Variants in LRMDA observed in about 807,000 individuals in gnomAD.
The protein encoded by LRMDA is leucine rich melanocyte differentiation associated.
A neutral mutation model predicts 29.8 loss-of-function variants in LRMDA; 18 were observed. The ratio of observed to expected loss-of-function variants is 0.60; its 90% CI spans 0.42 to 0.90. The LOEUF (loss-of-function observed/expected upper bound fraction) is 0.90. LRMDA is among the 40% of genes least tolerant of loss of function. The pLI is 0.00. For synonymous variants in LRMDA, 125 were observed against 109.4 expected (o/e 1.14, Z -0.89); for missense variants, 273 against 273.9 (o/e 1.00, Z 0.02).
intron 6 of LRMDA, among the ~76,000 whole-genome samples, chr10:76,347,678 T>C (rs1841125826): frequency 6.6e-6 from 1 of 152,312 alleles, no homozygotes; most frequent in Admixed American, 6.5e-5. Flanking sequence ...CTTGGTGTTA[T>C]AAAACCCAAG....
intron 6 of LRMDA, among the ~76,000 whole-genome samples, chr10:76,334,229 A>G (rs1840939550): frequency 6.6e-6 from 1 of 152,164 alleles, no homozygotes; most frequent in African/African-American, 2.4e-5. Flanking sequence ...TTTGGTCTAA[A>G]TTGTTCAGCC....
At chr10:76,517,328 A>G (rs1039018795) in intron 6 of LRMDA, among the ~76,000 whole-genome samples, 19 of 152,150 alleles carry the variant, frequency 1.2e-4, no homozygotes, top group Admixed American at 1.1e-3. Flanking sequence ...AAACAAAGAG[A>G]AGATTTTATG....
chr10:76,224,606 T>G (rs1851915618), intron 5 of LRMDA, among the ~76,000 whole-genome samples: 1 of 149,914 alleles, frequency 6.7e-6, no homozygotes, highest in Non-Finnish European at 1.5e-5. Flanking sequence ...CAAGGATTGC[T>G]AGGTTAGATT....
intron 2 of LRMDA, among the ~76,000 whole-genome samples, chr10:75,451,918 G>A (rs1024910219): frequency 6.6e-6 from 1 of 151,626 alleles, no homozygotes; most frequent in African/African-American, 2.4e-5. Flanking sequence ...GTGTATGTGT[G>A]TGTTCTAAGT....
intron 2 of LRMDA, among the ~76,000 whole-genome samples, chr10:75,976,890 G>A (rs1166408885): frequency 6.6e-6 from 1 of 152,226 alleles, no homozygotes; most frequent in East Asian, 1.9e-4. Flanking sequence ...ACCCTTGTTG[G>A]GTGAATTAAT....
At chr10:76,238,979 T>C (rs1852216647) in intron 5 of LRMDA, among the ~76,000 whole-genome samples, 1 of 152,112 alleles carries the variant, frequency 6.6e-6, no homozygotes, top group Non-Finnish European at 1.5e-5. Flanking sequence ...AGCTATGAAT[T>C]GAGTGAACAG....
intron 5 of LRMDA, among the ~76,000 whole-genome samples, chr10:76,152,576 C>T (rs1850465226): frequency 6.6e-6 from 1 of 152,076 alleles, no homozygotes; most frequent in Non-Finnish European, 1.5e-5. Context: ...TATGGTAACT[C>T]TATGTTTAAT....
At chr10:75,770,472 T>C (rs923228662) in intron 2 of LRMDA, among the ~76,000 whole-genome samples, 1 of 152,206 alleles carries the variant, frequency 6.6e-6, no homozygotes, top group Non-Finnish European at 1.5e-5. Flanking sequence ...ATGCACACAG[T>C]TAAAAATGCC....
intron 2 of LRMDA, among the ~76,000 whole-genome samples, chr10:76,005,370 G>T (rs561023384): frequency 1.3e-5 from 2 of 152,314 alleles, no homozygotes; most frequent in East Asian, 3.9e-4. Context: ...ATAGAAAAAT[G>T]TTGATAAACC....
At chr10:75,474,812 TTGA>T (rs1844769644) in intron 2 of LRMDA, among the ~76,000 whole-genome samples, 1 of 152,166 alleles carries the variant, frequency 6.6e-6, no homozygotes, top group African/African-American at 2.4e-5. Flanking sequence ...GACACAGTAC[TTGA>T]TGAATTTGAG....
intron 2 of LRMDA, among the ~76,000 whole-genome samples, chr10:75,471,648 G>A (rs1202966038): frequency 1.3e-5 from 2 of 152,158 alleles, no homozygotes; most frequent in African/African-American, 2.4e-5. Context: ...GCATTTCACT[G>A]TGTTTCTATA....
chr10:76,235,122 G>A (rs1442669270), intron 5 of LRMDA, among the ~76,000 whole-genome samples: 2 of 152,048 alleles, frequency 1.3e-5, no homozygotes, highest in Non-Finnish European at 2.9e-5. Context: ...AGAAGCCATT[G>A]TAGAGTTATA....
intron 5 of LRMDA, among the ~76,000 whole-genome samples, chr10:76,251,069 G>A (rs1015368335): frequency 6.6e-6 from 1 of 152,118 alleles, no homozygotes; most frequent in Non-Finnish European, 1.5e-5. Flanking sequence ...GAGAAAAACA[G>A]CCAAGGAAGA....
chr10:75,955,088 G>A (rs1316965805), intron 2 of LRMDA, among the ~76,000 whole-genome samples: 5 of 152,096 alleles, frequency 3.3e-5, no homozygotes, highest in Admixed American at 6.5e-5. Context: ...AAAATCAACG[G>A]CACATTAGAT....
intron 2 of LRMDA, among the ~76,000 whole-genome samples, chr10:75,582,849 C>A (rs1169227003): frequency 2.0e-5 from 3 of 152,134 alleles, no homozygotes; most frequent in South Asian, 2.1e-4. Flanking sequence ...TTGTTAGAAG[C>A]AGCCAGGCCA....
chr10:75,632,861 A>AGATGTCTG (rs1182948284), intron 2 of LRMDA, among the ~76,000 whole-genome samples: 4 of 133,446 alleles, frequency 3.0e-5, no homozygotes, highest in Non-Finnish European at 6.1e-5. Context: ...GTCTGCCCCA[A>AGATGTCTG]GATGTCTGGT....
At chr10:75,555,264 A>C (rs988311544) in intron 2 of LRMDA, among the ~76,000 whole-genome samples, 1 of 152,194 alleles carries the variant, frequency 6.6e-6, no homozygotes, top group Non-Finnish European at 1.5e-5. Flanking sequence ...GCTTAGGGTG[A>C]ATTTCTCATT....
intron 2 of LRMDA, among the ~76,000 whole-genome samples, chr10:75,653,272 G>C (rs1564531515): frequency 6.6e-6 from 1 of 152,186 alleles, no homozygotes. Context: ...GGATCGTGAA[G>C]AGAAAAACCT....
intron 2 of LRMDA, chr10:75,449,938 T>C (rs1844440959): frequency 6.6e-6 from 1 of 152,074 alleles, no homozygotes; most frequent in South Asian, 2.1e-4. Context: ...TGTGTGTGTA[T>C]TTGCACATGA....
Sources: allele counts gnomAD v4.1 joint callset (sites outside exome capture counted in the v4.1 genomes callset), GRCh38; gene constraint gnomAD v4.1.1; transcripts MANE v1.5; gene names NCBI Gene and HGNC (gene_info 2026-07-23, HGNC 2026-07-21).